Variants in OR51B5 observed in about 807,000 individuals in gnomAD.
OR51B5 encodes olfactory receptor family 51 subfamily B member 5, also known as olfactory receptor 51B5.
For missense variants in OR51B5, 456 were observed against 374.6 expected (o/e 1.22, Z -1.79); for synonymous variants, 186 against 144.8 (o/e 1.28, Z -2.04).
intron 1 of OR51B5, among the ~76,000 whole-genome samples, chr11:5,355,831 G>A (rs1849185477): frequency 6.6e-6 from 1 of 151,938 alleles, no homozygotes; most frequent in African/African-American, 2.4e-5. Context: ...TCAATGTAAT[G>A]CCCTGCTCTG....
At chr11:5,390,222 G>A (rs372583895) in intron 1 of OR51B5, 23 of 1,613,864 alleles carry the variant, frequency 1.4e-5, no homozygotes, top group Admixed American at 3.3e-5. Context: ...CTGGTGCACC[G>A]TTTTGGGAAG....
chr11:5,405,723 CAA>C (rs1433538548), intron 1 of OR51B5, among the ~76,000 whole-genome samples: 2 of 152,176 alleles, frequency 1.3e-5, no homozygotes, highest in Non-Finnish European at 2.9e-5. Context: ...CAATAATTGA[CAA>C]AGAGTGCTTT....
chr11:5,456,040 T>C (rs1449768760), intron 1 of OR51B5: 1 of 152,216 alleles, frequency 6.6e-6, no homozygotes, highest in African/African-American at 2.4e-5. Flanking sequence ...GAAATAATAA[T>C]TTTAATGCTT....
intron 1 of OR51B5, among the ~76,000 whole-genome samples, chr11:5,465,429 ACTTT>A (rs1416692037): frequency 3.9e-5 from 6 of 152,004 alleles, no homozygotes; most frequent in Non-Finnish European, 8.8e-5. Flanking sequence ...GCTACCAATG[ACTTT>A]CTTCACAGAA....
chr11:5,390,174 C>T (rs771236387), intron 1 of OR51B5: 17 of 1,613,848 alleles, frequency 1.1e-5, no homozygotes, highest in African/African-American at 2.7e-5. Flanking sequence ...CCTCTCTGTG[C>T]TGTGCTAGTA....
At chr11:5,405,884 T>A (rs1053531707) in intron 1 of OR51B5, among the ~76,000 whole-genome samples, 1 of 151,988 alleles carries the variant, frequency 6.6e-6, no homozygotes, top group Non-Finnish European at 1.5e-5. Context: ...GTGACACAAC[T>A]CCATAGAGGA....
chr11:5,341,637 TTTACACTTA>T (rs1848894915), downstream of OR51B5, among the ~76,000 whole-genome samples: 1 of 152,172 alleles, frequency 6.6e-6, no homozygotes, highest in Admixed American at 6.5e-5. Context: ...CTTTGGGAAA[TTTACACTTA>T]TTACATGGAA....
chr11:5,476,168 C>T (rs1479215447), intron 1 of OR51B5, among the ~76,000 whole-genome samples: 1 of 152,176 alleles, frequency 6.6e-6, no homozygotes, highest in Non-Finnish European at 1.5e-5. Flanking sequence ...CATGACATCT[C>T]AGTGGATTAT....
At chr11:5,417,854 C>T (rs1336030854) in intron 1 of OR51B5, among the ~76,000 whole-genome samples, 1 of 26,874 alleles carries the variant, frequency 3.7e-5, no homozygotes, top group Non-Finnish European at 1.3e-4. Context: ...ACCATTGTGG[C>T]GATTCCTCAG....
chr11:5,414,924 C>T (rs1344282328), intron 1 of OR51B5, among the ~76,000 whole-genome samples: 1 of 152,142 alleles, frequency 6.6e-6, no homozygotes, highest in Non-Finnish European at 1.5e-5. Flanking sequence ...ACCAAGCGGA[C>T]CTAATAAACA....
At chr11:5,456,855 C>G (rs1199193782) in intron 1 of OR51B5, among the ~76,000 whole-genome samples, 1 of 152,106 alleles carries the variant, frequency 6.6e-6, no homozygotes, top group Admixed American at 6.5e-5. Context: ...TGATGTTGTT[C>G]TCATGATAGT....
At chr11:5,499,920 A>G (rs1355988148) in intron 1 of OR51B5, among the ~76,000 whole-genome samples, 1 of 152,224 alleles carries the variant, frequency 6.6e-6, no homozygotes, top group Admixed American at 6.5e-5. Context: ...CGTGGTCCTG[A>G]TAATACAGTA....
At chr11:5,352,168 A>G in intron 1 of OR51B5, 2 of 1,614,104 alleles carry the variant, frequency 1.2e-6, no homozygotes, top group East Asian at 4.5e-5. Flanking sequence ...TTTGATTCTC[A>G]AGACTGTCAT....
At chr11:5,462,529 G>A (rs1236421970) in intron 1 of OR51B5, among the ~76,000 whole-genome samples, 2 of 152,106 alleles carry the variant, frequency 1.3e-5, no homozygotes, top group East Asian at 3.9e-4. Flanking sequence ...GAACTTCTTT[G>A]CTCTTGTGGT....
chr11:5,351,869 T>A, intron 1 of OR51B5: 2 of 1,613,146 alleles, frequency 1.2e-6, no homozygotes, highest in Non-Finnish European at 1.7e-6. Flanking sequence ...TATGACTGTT[T>A]CATTACCATC....
intron 1 of OR51B5, among the ~76,000 whole-genome samples, chr11:5,486,838 C>T (rs1021541674): frequency 3.9e-5 from 6 of 152,034 alleles, no homozygotes; most frequent in Non-Finnish European, 5.9e-5. Flanking sequence ...GCAGTAAAAT[C>T]GTGTTTCTTT....
intron 1 of OR51B5, among the ~76,000 whole-genome samples, chr11:5,441,847 G>C (rs1234306118): frequency 6.6e-6 from 1 of 152,166 alleles, no homozygotes; most frequent in Non-Finnish European, 1.5e-5. Context: ...CTAGGCTTTG[G>C]AAAGTCTTTG....
At chr11:5,351,520 A>AC in intron 1 of OR51B5, 4 of 1,611,532 alleles carry the variant, frequency 2.5e-6, no homozygotes, top group Non-Finnish European at 3.4e-6. Flanking sequence ...GGGGCTCAAT[A>AC]AGTCTGCTTC....
At chr11:5,362,223 C>T (rs4910766) in intron 1 of OR51B5, among the ~76,000 whole-genome samples, 57,501 of 151,730 alleles carry the variant, frequency 0.38, 11,074 homozygotes, top group Non-Finnish European at 0.41. Flanking sequence ...ATAGTGGATC[C>T]CGTGTTTCTG....
Sources: gnomAD v4.1 joint callset for allele counts (sites outside exome capture counted in the v4.1 genomes callset) on GRCh38, gnomAD v4.1.1 for gene constraint, MANE v1.5 for transcripts, NCBI Gene and HGNC (gene_info 2026-07-23, HGNC 2026-07-21) for gene names.